Variants in METTL15 observed in about 807,000 individuals in gnomAD.
The protein encoded by METTL15 is methyltransferase 15, mitochondrial 12S rRNA N4-cytidine.
In METTL15, 34 loss-of-function variants were observed where a neutral mutation model predicts 38.3. That is an observed-to-expected ratio of 0.89 (90% CI 0.68 to 1.18). METTL15 has a LOEUF of 1.18. Among genes scored for constraint, METTL15 ranks in the 50% most tolerant of loss-of-function variants. METTL15 has a pLI of 0.00. For missense variants in METTL15, 438 were observed against 498.4 expected (o/e 0.88, Z 1.15); for synonymous variants, 162 against 170.9 (o/e 0.95, Z 0.41).
chr11:28,510,321 A>G (rs1451879773), intron 6 of METTL15, among the ~76,000 whole-genome samples: 1 of 152,226 alleles, frequency 6.6e-6, no homozygotes, highest in Non-Finnish European at 1.5e-5. Flanking sequence ...ATTAAAAAAT[A>G]TGTTTTGCAT....
chr11:28,305,449 G>C (rs1248974223), intron 6 of METTL15, among the ~76,000 whole-genome samples: 1 of 152,166 alleles, frequency 6.6e-6, no homozygotes, highest in Non-Finnish European at 1.5e-5. Flanking sequence ...AGCAACCCAT[G>C]AGGCTGGTAC....
rs748437873 is a variant in METTL15, at chr11:28,330,463, C to T, written c.846C>T (p.Thr282=). ...DLLQRSTHIA[T]KTFQALRIFV... ...TACAGCGATCTACCCATATTGCCAC[C>T]AAGACTTTCCAGGCTCTTCGCATAT... Residue 282 remains threonine (T), a synonymous_variant, in exon 7 of 7, where the codon ACC becomes ACT. Coordinates refer to ENST00000407364, the MANE Select transcript of METTL15 (RefSeq NM_001113528.2). The T allele has an allele frequency of 7.3e-5, 113 of 1,551,498 alleles. No individual in the cohort carries two copies. The highest frequency in any genetic ancestry group is 8.9e-5 in the Non-Finnish European group (102 of 1,146,970).
Position 28,181,258 on chromosome 11 carries a change from A to T in METTL15, c.271-29804A>T, listed in dbSNP as rs76266876. Among the ~76,000 whole-genome samples the T allele has an allele frequency of 2.3e-3, 155 of 67,148 alleles. 1 individual carries two copies. The highest frequency in any genetic ancestry group is 5.1e-3 in the Non-Finnish European group (129 of 25,236). 44.1% of individuals were successfully genotyped at this position (67,148 alleles called of 152,430 possible). ...ACGTTTATTTATTTATTTAATTTTT[A>T]ATTTTTTTTTTTTTTGTATTTTAAG... On this transcript the variant is annotated intron_variant, in intron 3 of 6. Transcript: ENST00000407364.
intron 3 of METTL15, among the ~76,000 whole-genome samples, chr11:28,120,301 T>C (rs1852169957): frequency 6.6e-6 from 1 of 151,566 alleles, no homozygotes; most frequent in Non-Finnish European, 1.5e-5. Context: ...TCATATGAGA[T>C]GGACTGTTGA....
At chr11:28,227,309 T>G (rs891369394) in intron 4 of METTL15, among the ~76,000 whole-genome samples, 1 of 151,902 alleles carries the variant, frequency 6.6e-6, no homozygotes, top group African/African-American at 2.4e-5. Flanking sequence ...CAGATAATTT[T>G]ACAACTAATT....
chr11:28,417,148 G>A (rs556964290), intron 5 of METTL15, among the ~76,000 whole-genome samples: 1 of 152,150 alleles, frequency 6.6e-6, no homozygotes. Context: ...ATCTTCCATG[G>A]TTATGGGAGA....
chr11:28,303,518 A>G (rs1373897979), intron 6 of METTL15, among the ~76,000 whole-genome samples: 2 of 152,152 alleles, frequency 1.3e-5, no homozygotes, highest in Non-Finnish European at 2.9e-5. Flanking sequence ...AGGTGACAGA[A>G]GGCTTATAAT....
At chr11:28,426,001 T>C (rs746543200) in intron 6 of METTL15, among the ~76,000 whole-genome samples, 9 of 152,182 alleles carry the variant, frequency 5.9e-5, no homozygotes, top group Non-Finnish European at 1.3e-4. Flanking sequence ...GTTTGTTACA[T>C]AGGTAATGTG....
At chr11:28,353,255 T>G (rs1850057802) in intron 4 of METTL15, among the ~76,000 whole-genome samples, 1 of 152,138 alleles carries the variant, frequency 6.6e-6, no homozygotes, top group Non-Finnish European at 1.5e-5. Flanking sequence ...ACCCTAAGTT[T>G]TTGATCATAA....
At chr11:28,372,874 G>T (rs1418241310) in intron 5 of METTL15, among the ~76,000 whole-genome samples, 1 of 144,908 alleles carries the variant, frequency 6.9e-6, no homozygotes, top group Non-Finnish European at 1.5e-5. Flanking sequence ...GCGGTGTTTG[G>T]TTTTTTGTTC....
At chr11:28,335,520 T>G (rs1354787197), downstream of METTL15, among the ~76,000 whole-genome samples, 4 of 152,196 alleles carry the variant, frequency 2.6e-5, no homozygotes, top group East Asian at 7.7e-4. Flanking sequence ...ACTGCTGTAT[T>G]TTGGAGATGC....
intron 3 of METTL15, among the ~76,000 whole-genome samples, chr11:28,150,900 A>G (rs1343889109): frequency 6.6e-6 from 1 of 150,558 alleles, no homozygotes; most frequent in East Asian, 2.0e-4. Context: ...GTTGGAATAG[A>G]TGTAAGCACT....
intron 5 of METTL15, among the ~76,000 whole-genome samples, chr11:28,296,152 G>T (rs557891365): frequency 6.6e-6 from 1 of 152,040 alleles, no homozygotes; most frequent in Admixed American, 6.6e-5. Flanking sequence ...GGTGTCCTTT[G>T]TTACAGAAGA....
chr11:28,325,817 C>T (rs749298812), intron 6 of METTL15, among the ~76,000 whole-genome samples: 14 of 152,082 alleles, frequency 9.2e-5, no homozygotes, highest in African/African-American at 2.9e-4. Flanking sequence ...TAAGAGTGAA[C>T]GCGAAATAGT....
intron 6 of METTL15, among the ~76,000 whole-genome samples, chr11:28,447,835 T>C (rs1319264826): frequency 1.3e-5 from 2 of 152,122 alleles, no homozygotes; most frequent in African/African-American, 4.8e-5. Context: ...TTCTCTTATT[T>C]ATGCATGCCC....
chr11:28,381,062 C>T (rs925921074), intron 5 of METTL15, among the ~76,000 whole-genome samples: 2 of 152,164 alleles, frequency 1.3e-5, no homozygotes, highest in African/African-American at 4.8e-5. Context: ...ATGTTCATAG[C>T]TCACTGAAGC....
intron 3 of METTL15, among the ~76,000 whole-genome samples, chr11:28,177,399 A>C (rs1851116724): frequency 6.6e-6 from 1 of 152,072 alleles, no homozygotes; most frequent in African/African-American, 2.4e-5. Flanking sequence ...AAATGTCTTC[A>C]AATTTGAAAC....
chr11:28,301,928 T>C (rs1268961677), intron 6 of METTL15, among the ~76,000 whole-genome samples: 1 of 152,038 alleles, frequency 6.6e-6, no homozygotes, highest in Non-Finnish European at 1.5e-5. Context: ...TTTTTTTAAG[T>C]GACAGGGTCT....
At chr11:28,126,732 A>G (rs1268931572) in intron 3 of METTL15, among the ~76,000 whole-genome samples, 2 of 152,160 alleles carry the variant, frequency 1.3e-5, no homozygotes, top group Non-Finnish European at 2.9e-5. Context: ...TGGATATGCA[A>G]TATAGAACAA....
Sources: gnomAD v4.1 joint callset for allele counts (sites outside exome capture counted in the v4.1 genomes callset) on GRCh38, gnomAD v4.1.1 for gene constraint, MANE v1.5 for transcripts, NCBI Gene and HGNC (gene_info 2026-07-23, HGNC 2026-07-21) for gene names.